PRKN: variants seen among roughly 807,000 people sequenced by gnomAD.
PRKN encodes the protein E3 ubiquitin-protein ligase parkin.
A neutral mutation model predicts 59.5 loss-of-function variants in PRKN; 56 were observed. The observed-to-expected ratio is 0.94, with a 90% confidence interval of 0.76 to 1.18. PRKN has a LOEUF of 1.18. Ranked by LOEUF, PRKN falls within the 50% of genes most tolerant of loss-of-function variation. The probability of loss-of-function intolerance (pLI) is 0.00; values close to 1 mark genes in which losing one functional copy is unlikely to be tolerated. For synonymous variants in PRKN, 250 were observed against 222.1 expected (o/e 1.13, Z -1.12); for missense variants, 657 against 596.4 (o/e 1.10, Z -1.06).
intron 7 of PRKN, among the ~76,000 whole-genome samples, chr6:161,641,586 G>A (rs896366500): frequency 2.0e-5 from 3 of 152,114 alleles, no homozygotes; most frequent in Admixed American, 1.3e-4. Flanking sequence ...CTGGTCTCCC[G>A]TACAGCCAGA....
At chr6:162,598,211 T>A (rs1447038263) in intron 1 of PRKN, among the ~76,000 whole-genome samples, 1 of 152,226 alleles carries the variant, frequency 6.6e-6, no homozygotes, top group African/African-American at 2.4e-5. Context: ...GGAAGTCTAC[T>A]ATTTGAAGTA....
At chr6:161,572,041 C>T (rs1162966774) in intron 7 of PRKN, among the ~76,000 whole-genome samples, 1 of 152,134 alleles carries the variant, frequency 6.6e-6, no homozygotes, top group Non-Finnish European at 1.5e-5. Flanking sequence ...TTCCAGCTTG[C>T]AGATGGCAGA....
intron 4 of PRKN, among the ~76,000 whole-genome samples, chr6:162,076,182 T>C (rs1407719158): frequency 1.3e-5 from 2 of 152,038 alleles, no homozygotes; most frequent in South Asian, 2.1e-4. Context: ...TTGGCCAGAC[T>C]GGTCTCGAAC....
At chr6:161,621,833 C>T (rs760056951) in intron 7 of PRKN, among the ~76,000 whole-genome samples, 8 of 152,124 alleles carry the variant, frequency 5.3e-5, no homozygotes, top group Non-Finnish European at 8.8e-5. Flanking sequence ...AGGAGACGTG[C>T]TCTACAACAT....
At chr6:161,618,006 T>C (rs907891564) in intron 7 of PRKN, among the ~76,000 whole-genome samples, 7 of 152,240 alleles carry the variant, frequency 4.6e-5, no homozygotes, top group Admixed American at 3.9e-4. Context: ...AACCAGTGTA[T>C]GGGACACCAA....
At position 161,385,558 on chromosome 6, in the gene PRKN, T is replaced by C. The variant is rs1403256145; in HGVS notation, c.1167+1236A>G. ...GGTTAAGCAATGCTCTTCTTTCCCT[T>C]ACAGCTACTGTTTCCAAATAAATAC... is the stretch of plus-strand genomic sequence containing the variant. On this transcript the variant is annotated intron_variant, in intron 10 of 11. Transcript: ENST00000366898. The surrounding 1 kb of genome is among the most constrained non-coding windows in gnomAD (Gnocchi z 4.9). Among the ~76,000 whole-genome samples the C allele has an allele frequency of 6.6e-6, 1 of 152,174 alleles. No homozygotes were observed. The highest frequency in any genetic ancestry group is 1.5e-5 in the Non-Finnish European group (1 of 68,026).
At chr6:162,379,801 G>A (rs1052588018) in intron 2 of PRKN, among the ~76,000 whole-genome samples, 3 of 152,196 alleles carry the variant, frequency 2.0e-5, no homozygotes, top group Non-Finnish European at 2.9e-5. Context: ...AAATGCTTGT[G>A]TAAATGAAAT....
chr6:162,203,414 C>T (rs772458953), intron 3 of PRKN, among the ~76,000 whole-genome samples: 4 of 152,136 alleles, frequency 2.6e-5, no homozygotes, highest in Admixed American at 6.6e-5. Flanking sequence ...GTGGCTGCAG[C>T]GCTTTTCAAG....
chr6:162,228,328 T>C (rs1778275242), intron 3 of PRKN, among the ~76,000 whole-genome samples: 1 of 152,178 alleles, frequency 6.6e-6, no homozygotes, highest in South Asian at 2.1e-4. Flanking sequence ...TCTGGAGCAC[T>C]ACATTTTAGA....
rs1788005732 is a variant in PRKN, at chr6:161,419,768, C to T, written c.1084-32891G>A. Among the ~76,000 whole-genome samples, 1 of 152,074 alleles carries T rather than the reference C, an allele frequency of 6.6e-6. No individual in the cohort carries two copies. The highest frequency in any genetic ancestry group is 2.4e-5 in the African/African-American group (1 of 41,394). On this transcript the variant is annotated intron_variant, in intron 9 of 11. Coordinates refer to ENST00000366898, the MANE Select transcript of PRKN (RefSeq NM_004562.3). This position sits in a 1 kb window ranked among gnomAD's most constrained non-coding sequence, Gnocchi z 4.1. ...GCCAGGCCGGAGTTCAGTTCTAGTCCTCCTACTTCCGACTGATAGTGGCTC... is the reference window on the plus strand; with the variant it reads ...GCCAGGCCGGAGTTCAGTTCTAGTCTTCCTACTTCCGACTGATAGTGGCTC...
chr6:162,451,387 T>C (rs796281045), intron 1 of PRKN, among the ~76,000 whole-genome samples: 15 of 105,736 alleles, frequency 1.4e-4, no homozygotes, highest in African/African-American at 5.3e-4. Context: ...AAAAAAAAAA[T>C]TGCAATGAGT....
chr6:162,331,952 T>C (rs1001842290), intron 2 of PRKN, among the ~76,000 whole-genome samples: 11 of 152,186 alleles, frequency 7.2e-5, no homozygotes, highest in Non-Finnish European at 1.5e-4. Flanking sequence ...TGGGATGTAT[T>C]CAGATATTTG....
chr6:162,644,601 A>G (rs1778093187), intron 1 of PRKN, among the ~76,000 whole-genome samples: 1 of 152,196 alleles, frequency 6.6e-6, no homozygotes, highest in Non-Finnish European at 1.5e-5. Flanking sequence ...AAAAAGAACA[A>G]GATTCCCATA....
chr6:162,112,776 C>T (rs888557703), intron 4 of PRKN, among the ~76,000 whole-genome samples: 1 of 149,372 alleles, frequency 6.7e-6, no homozygotes, highest in African/African-American at 2.5e-5. Context: ...CCCATCTTTA[C>T]AAAATTAAAA....
rs73785922 is a variant in PRKN, at chr6:161,451,274, C to T, written c.1084-64397G>A. Among the ~76,000 whole-genome samples, 10,065 of 152,226 alleles carry T rather than the reference C, an allele frequency of 0.066. 485 individuals carry two copies. Among genetic ancestry groups the T allele is most frequent in the African/African-American group, 0.13 (5,465 of 41,512 alleles). ...ACCGTCATCTCATTTCCAGATAAAACACCTCCAGTTTCTTCAATGACTTCC... is the reference window on the plus strand; with the variant it reads ...ACCGTCATCTCATTTCCAGATAAAATACCTCCAGTTTCTTCAATGACTTCC... On this transcript the variant is annotated intron_variant, in intron 9 of 11. Transcript: ENST00000366898. This position sits in a 1 kb window ranked among gnomAD's most constrained non-coding sequence, Gnocchi z 5.9.
intron 4 of PRKN, among the ~76,000 whole-genome samples, chr6:162,177,457 TA>T (rs987305922): frequency 9.2e-5 from 14 of 152,210 alleles, no homozygotes; most frequent in African/African-American, 1.4e-4. Flanking sequence ...TGCATTGCAT[TA>T]TTTGTCACAT....
intron 4 of PRKN, among the ~76,000 whole-genome samples, chr6:162,157,432 A>G (rs1782560199): frequency 6.6e-6 from 1 of 151,902 alleles, no homozygotes. Context: ...CCTCATTTGT[A>G]GCAAGCACAA....
chr6:162,167,175 T>C (rs1357088874), intron 4 of PRKN, among the ~76,000 whole-genome samples: 1 of 152,166 alleles, frequency 6.6e-6, no homozygotes, highest in Non-Finnish European at 1.5e-5. Flanking sequence ...GGTGTACAAT[T>C]TTGAGAATTT....
intron 9 of PRKN, among the ~76,000 whole-genome samples, chr6:161,437,755 A>G (rs1023764728): frequency 1.3e-5 from 2 of 152,212 alleles, no homozygotes; most frequent in African/African-American, 2.4e-5. Flanking sequence ...AAGTAGTAAC[A>G]TTAGTGTATC....
Sources: allele counts gnomAD v4.1 joint callset (sites outside exome capture counted in the v4.1 genomes callset), GRCh38; gene constraint gnomAD v4.1.1; non-coding constraint Gnocchi (gnomAD v3.1); transcripts MANE v1.5; gene names NCBI Gene and HGNC (gene_info 2026-07-23, HGNC 2026-07-21).